The following FHIT variants were observed in gnomAD, a reference collection of about 807,000 sequenced individuals.
FHIT encodes the protein fragile histidine triad diadenosine triphosphatase.
A neutral mutation model predicts 17.9 loss-of-function variants in FHIT; 19 were observed. The observed-to-expected ratio is 1.06, with a 90% CI of 0.74 to 1.56. The LOEUF (loss-of-function observed/expected upper bound fraction) is 1.56. FHIT is among the 40% of genes most tolerant of loss of function. FHIT has a pLI of 0.00. For missense variants in FHIT, 248 were observed against 189.2 expected (o/e 1.31, Z -1.82); for synonymous variants, 81 against 69.7 (o/e 1.16, Z -0.81).
At chr3:60,842,598 A>AGT (rs1393700816) in intron 3 of FHIT, among the ~76,000 whole-genome samples, 2 of 134,146 alleles carry the variant, frequency 1.5e-5, no homozygotes, top group African/African-American at 2.9e-5. Context: ...AAATTAAATG[A>AGT]GTGTATATAT....
intron 8 of FHIT, chr3:59,886,118 G>A (rs940371745): frequency 6.6e-6 from 1 of 152,152 alleles, no homozygotes; most frequent in Non-Finnish European, 1.5e-5. Flanking sequence ...TGGCTCTGTG[G>A]TTACAGAACA....
intron 8 of FHIT, among the ~76,000 whole-genome samples, chr3:59,845,013 A>G (rs1462279715): frequency 3.3e-5 from 5 of 152,174 alleles, no homozygotes; most frequent in African/African-American, 1.2e-4. Context: ...ACTTAGTCTC[A>G]TAGGTTTTGT....
chr3:60,342,991 T>A (rs1710602520), intron 5 of FHIT, among the ~76,000 whole-genome samples: 1 of 152,164 alleles, frequency 6.6e-6, no homozygotes, highest in Non-Finnish European at 1.5e-5. Context: ...AGGACTGATG[T>A]CCTCTAAATA....
chr3:59,923,006 T>C (rs111725004), intron 7 of FHIT, among the ~76,000 whole-genome samples: 2 of 151,996 alleles, frequency 1.3e-5, no homozygotes, highest in South Asian at 2.1e-4. Flanking sequence ...ATGCCTGTAA[T>C]CCCAGCACTT....
chr3:60,168,842 T>G (rs559705213), intron 5 of FHIT, among the ~76,000 whole-genome samples: 2 of 150,726 alleles, frequency 1.3e-5, no homozygotes, highest in East Asian at 3.9e-4. Flanking sequence ...CATCTGAAGA[T>G]TCTTCCTTTC....
Position 60,303,775 on chromosome 3 carries a change from G to A in FHIT, c.103+233085C>T, listed in dbSNP as rs546267648. On this transcript the variant is annotated intron_variant, in intron 5 of 9. Coordinates refer to ENST00000492590, the MANE Select transcript of FHIT (RefSeq NM_002012.4). ...TTTGCAAGGATGAGAAATACTCCCA[G>A]TTGGTTAAGCCACTGTGATTTTCAT... Among the ~76,000 whole-genome samples the A allele has an allele frequency of 6.1e-4, 93 of 152,234 alleles. 1 individual carries two copies. Among genetic ancestry groups the A allele is most frequent in the Middle Eastern group, 6.8e-3 (2 of 294 alleles).
intron 5 of FHIT, among the ~76,000 whole-genome samples, chr3:60,512,456 T>G: frequency 6.6e-6 from 1 of 152,374 alleles, no homozygotes; most frequent in African/African-American, 2.4e-5. Context: ...TCCACTTTGG[T>G]CTACTCAGAC....
At chr3:60,570,741 A>AAAC (rs2037347484) in intron 4 of FHIT, among the ~76,000 whole-genome samples, 1 of 150,832 alleles carries the variant, frequency 6.6e-6, no homozygotes, top group African/African-American at 2.4e-5. Flanking sequence ...AAAAATTAAA[A>AAAC]AAAAAAAAAA....
intron 5 of FHIT, among the ~76,000 whole-genome samples, chr3:60,308,628 T>C (rs1708797496): frequency 6.6e-6 from 1 of 151,936 alleles, no homozygotes; most frequent in Non-Finnish European, 1.5e-5. Flanking sequence ...ATTTTATATT[T>C]GCATGAGAGC....
At chr3:60,093,967 C>T (rs963382807) in intron 5 of FHIT, among the ~76,000 whole-genome samples, 1 of 152,096 alleles carries the variant, frequency 6.6e-6, no homozygotes, top group Non-Finnish European at 1.5e-5. Context: ...GAGTGCCTCT[C>T]ATTTGTGAAA....
intron 2 of FHIT, among the ~76,000 whole-genome samples, chr3:61,133,948 C>T (rs1237127047): frequency 2.0e-5 from 3 of 152,022 alleles, no homozygotes; most frequent in African/African-American, 2.4e-5. Flanking sequence ...TTTAGCCAGG[C>T]GTGGTGGCAG....
intron 4 of FHIT, among the ~76,000 whole-genome samples, chr3:60,567,992 A>C (rs1480869680): frequency 6.6e-6 from 1 of 152,150 alleles, no homozygotes; most frequent in African/African-American, 2.4e-5. Context: ...AAATAGGAAC[A>C]CTTTACAGTG....
intron 4 of FHIT, among the ~76,000 whole-genome samples, chr3:60,568,317 T>A (rs2037216092): frequency 6.6e-6 from 1 of 152,112 alleles, no homozygotes; most frequent in Admixed American, 6.6e-5. Flanking sequence ...GGGACATGGA[T>A]GAAGCTGGAA....
intron 2 of FHIT, among the ~76,000 whole-genome samples, chr3:61,103,186 C>A (rs1031687886): frequency 1.3e-4 from 20 of 152,168 alleles, no homozygotes; most frequent in African/African-American, 4.3e-4. Context: ...GTGTTGTGGG[C>A]ATTTAGTGCT....
At chr3:59,779,684 G>C (rs568397139) in intron 8 of FHIT, among the ~76,000 whole-genome samples, 1 of 151,938 alleles carries the variant, frequency 6.6e-6, no homozygotes, top group South Asian at 2.1e-4. Flanking sequence ...GGCATACGAG[G>C]TTATCAGGAA....
chr3:61,007,929 C>T (rs1296942921), intron 3 of FHIT, among the ~76,000 whole-genome samples: 2 of 152,180 alleles, frequency 1.3e-5, no homozygotes, highest in African/African-American at 2.4e-5. Flanking sequence ...CAAAAGTCTA[C>T]ACTCCTGTCT....
chr3:60,363,534 C>T (rs376516351), intron 5 of FHIT, among the ~76,000 whole-genome samples: 1 of 152,306 alleles, frequency 6.6e-6, no homozygotes, highest in South Asian at 2.1e-4. Flanking sequence ...CCCTGTTTTA[C>T]AGGTGAGTAA....
chr3:60,594,060 A>G (rs1268854257), intron 4 of FHIT, among the ~76,000 whole-genome samples: 1 of 152,144 alleles, frequency 6.6e-6, no homozygotes, highest in Non-Finnish European at 1.5e-5. Context: ...TAAACACAAA[A>G]GAAAAGCATT....
At chr3:59,752,685 T>C (rs991287203) in intron 8 of FHIT, among the ~76,000 whole-genome samples, 2 of 152,100 alleles carry the variant, frequency 1.3e-5, no homozygotes. Flanking sequence ...GTTCTCATGA[T>C]AGTGAGTTAT....
Sources: allele counts gnomAD v4.1 joint callset (sites outside exome capture counted in the v4.1 genomes callset), GRCh38; gene constraint gnomAD v4.1.1; transcripts MANE v1.5; gene names NCBI Gene and HGNC (gene_info 2026-07-23, HGNC 2026-07-21).